Variants in IL23R observed in about 807,000 individuals in gnomAD.
The protein encoded by IL23R is interleukin-23 receptor.
IL23R carries 34 observed loss-of-function variants against 56.9 expected under a neutral mutation model. The observed-to-expected ratio is 0.60, with a 90% CI of 0.45 to 0.80. IL23R has a LOEUF of 0.80. Among genes scored for constraint, IL23R ranks in the 30% least tolerant of loss-of-function variants. IL23R has a pLI of 0.00. For synonymous variants in IL23R, 230 were observed against 249.2 expected (o/e 0.92, Z 0.73); for missense variants, 635 against 730.0 (o/e 0.87, Z 1.50).
At chr1:67,180,484 C>G (rs10038259) in intron 3 of IL23R, among the ~76,000 whole-genome samples, 3 of 152,026 alleles carry the variant, frequency 2.0e-5, no homozygotes, top group Non-Finnish European at 2.9e-5. Context: ...AGATCTTCCT[C>G]CATCCCTTTA....
At chr1:67,245,124 G>T (rs1283833637) in intron 9 of IL23R, among the ~76,000 whole-genome samples, 1 of 152,074 alleles carries the variant, frequency 6.6e-6, no homozygotes. Context: ...GCCTGTTATT[G>T]GCGTATAGGA....
chr1:67,230,395 C>T (rs1412591330), intron 7 of IL23R, among the ~76,000 whole-genome samples: 3 of 152,204 alleles, frequency 2.0e-5, no homozygotes. Context: ...GGGTGTACTT[C>T]TGAGGAATCT....
rs72929003 is a variant in IL23R, at chr1:67,216,818, G to A, written c.799-2756G>A. Among the ~76,000 whole-genome samples, 509 of 152,218 alleles carry A rather than the reference G, an allele frequency of 3.3e-3. 4 individuals are homozygous for A. The highest frequency in any genetic ancestry group is 0.012 in the African/African-American group (490 of 41,526). The stretch of plus-strand genomic sequence containing the variant: ...ATAGCAAAGACAAATCCTTGGCTTC[G>A]GCATTTCCAAGTCTGAAGGTTGGTA... On this transcript the variant is annotated intron_variant, in intron 6 of 10. Coordinates refer to ENST00000347310, the MANE Select transcript of IL23R (RefSeq NM_144701.3).
intron 4 of IL23R, among the ~76,000 whole-genome samples, chr1:67,190,399 C>T (rs1226178560): frequency 6.7e-6 from 1 of 148,636 alleles, no homozygotes; most frequent in Non-Finnish European, 1.5e-5. Context: ...CTTTTACCTC[C>T]TGTATTTTGC....
At chr1:67,188,649 A>G (rs1647522798) in intron 4 of IL23R, among the ~76,000 whole-genome samples, 2 of 152,212 alleles carry the variant, frequency 1.3e-5, no homozygotes, top group South Asian at 4.1e-4. Context: ...CGTAATTTGT[A>G]AAAAACAGAA....
At chr1:67,265,734 GAAGAT>G in the IL23R span, among the ~76,000 whole-genome samples, 1 of 152,114 alleles carries the variant, frequency 6.6e-6, no homozygotes, top group African/African-American at 2.4e-5. Flanking sequence ...AGACAGAAAG[GAAGAT>G]AAAATCATTT....
intron 9 of IL23R, among the ~76,000 whole-genome samples, chr1:67,240,726 A>G (rs576503422): frequency 1.3e-5 from 2 of 152,360 alleles, no homozygotes; most frequent in African/African-American, 2.4e-5. Context: ...CTTCAGCCAA[A>G]TTAAATTTAA....
Position 67,252,685 on chromosome 1 carries a change from A to C in IL23R, c.1149-3152A>C, listed in dbSNP as rs144561331. ...TCTGACACCATCTAGTAAAAGAAAA[A>C]CTTCAGCCAATTTAAAGGAGTTTAA... On this transcript the variant is annotated intron_variant, in intron 9 of 10. Coordinates refer to ENST00000347310, the MANE Select transcript of IL23R (RefSeq NM_144701.3). Among the ~76,000 whole-genome samples, 188 of 152,074 alleles carry C rather than the reference A, an allele frequency of 1.2e-3. 1 individual carries two copies. The highest frequency in any genetic ancestry group is 4.4e-3 in the African/African-American group (182 of 41,438).
intron 6 of IL23R, among the ~76,000 whole-genome samples, chr1:67,209,258 TGA>T (rs1267246987): frequency 6.6e-6 from 1 of 152,164 alleles, no homozygotes; most frequent in East Asian, 1.9e-4. Flanking sequence ...AATGCTGAAA[TGA>T]GTTATGACTT....
At chr1:67,151,589 T>C (rs1424078719) in intron 1 of IL23R, among the ~76,000 whole-genome samples, 3 of 152,160 alleles carry the variant, frequency 2.0e-5, no homozygotes, top group African/African-American at 7.2e-5. Flanking sequence ...TCAGGTTTTA[T>C]ATTTTAAGTC....
upstream of IL23R, chr1:67,166,358 T>G (rs1354671941): frequency 6.6e-6 from 1 of 152,362 alleles, no homozygotes; most frequent in Non-Finnish European, 1.5e-5. Flanking sequence ...ATTGGACAGT[T>G]TGAGTTCCTC....
At chr1:67,188,454 C>T (rs924566172) in intron 4 of IL23R, among the ~76,000 whole-genome samples, 13 of 152,156 alleles carry the variant, frequency 8.5e-5, no homozygotes, top group Non-Finnish European at 1.9e-4. Context: ...GCTGTGTAAT[C>T]TTAGAAGAGT....
At chr1:67,156,762 C>A (rs1229162545) in intron 1 of IL23R, among the ~76,000 whole-genome samples, 2 of 152,156 alleles carry the variant, frequency 1.3e-5, no homozygotes, top group Non-Finnish European at 2.9e-5. Context: ...GGAAGTGGGA[C>A]CTGCTGAGCG....
intron 3 of IL23R, among the ~76,000 whole-genome samples, chr1:67,179,954 C>T (rs10195341): frequency 3.3e-5 from 5 of 151,940 alleles, no homozygotes; most frequent in African/African-American, 9.7e-5. Flanking sequence ...AATCCTGAGT[C>T]CTAGTTTGAT....
Position 67,255,852 on chromosome 1 carries a change from C to T in IL23R, c.1164C>T (p.Ile388=). 6.4e-7 allele frequency: 1 copy of T among 1,557,596 alleles called. No individual in the cohort carries two copies. Among genetic ancestry groups the T allele is most frequent in the Non-Finnish European group, 8.9e-7 (1 of 1,128,806 alleles). Residue 388 remains isoleucine (I), a synonymous_variant, in exon 10 of 11, where the codon ATC becomes ATT. Transcript: ENST00000347310. ...TGTTTTTTAGGATTAAAAGAAGGATCTTATTGTTAATACCAAAGTGGCTTT... is the reference window on the plus strand; with the variant it reads ...TGTTTTTTAGGATTAAAAGAAGGATTTTATTGTTAATACCAAAGTGGCTTT... ...RSFRTGIKRR[I]LLLIPKWLYE... is the part of the protein sequence containing the mutation.
rs569365817 is a variant in IL23R, at chr1:67,200,516, C to T, written c.492-221C>T. Among the ~76,000 whole-genome samples the T allele has an allele frequency of 7.9e-5, 12 of 151,660 alleles. No homozygotes were observed. The South Asian group carries it at 2.3e-3, about 29-fold the overall frequency. Reference sequence around the variant, plus strand: ...CCAGCAATTCTCCTTTCGCAGCCTCCCAAGTAACTGGGATTACAGGCACAT... The same window carrying T: ...CCAGCAATTCTCCTTTCGCAGCCTCTCAAGTAACTGGGATTACAGGCACAT... On this transcript the variant is annotated intron_variant, in intron 4 of 10. Transcript: ENST00000347310.
intron 9 of IL23R, among the ~76,000 whole-genome samples, chr1:67,244,763 T>G (rs902061133): frequency 2.8e-4 from 43 of 152,186 alleles, no homozygotes; most frequent in Non-Finnish European, 4.4e-5. Context: ...CCAGGTTTGT[T>G]CTTTTTGCTT....
chr1:67,203,980 G>A (rs979786123), intron 5 of IL23R, among the ~76,000 whole-genome samples: 3 of 152,164 alleles, frequency 2.0e-5, no homozygotes, highest in Admixed American at 1.3e-4. Context: ...AATATGTGTT[G>A]GAAAGATGCT....
At chr1:67,264,559 A>G (rs942089706), downstream of IL23R, among the ~76,000 whole-genome samples, 1 of 152,268 alleles carries the variant, frequency 6.6e-6, no homozygotes, top group Non-Finnish European at 1.5e-5. Context: ...GATTCATAAA[A>G]TGAATTGTAC....
Sources: allele counts gnomAD v4.1 joint callset (sites outside exome capture counted in the v4.1 genomes callset), GRCh38; gene constraint gnomAD v4.1.1; transcripts MANE v1.5; gene names NCBI Gene and HGNC (gene_info 2026-07-23, HGNC 2026-07-21).